LAG3: variants seen among roughly 807,000 people sequenced by gnomAD.
LAG3 encodes the protein lymphocyte activation gene 3 protein.
Under a neutral mutation model 49.0 loss-of-function variants are expected in LAG3, and 29 were observed. The ratio of observed to expected loss-of-function variants is 0.59; its 90% CI spans 0.44 to 0.81. LAG3 has a LOEUF of 0.81. Among genes scored for constraint, LAG3 ranks in the 30% least tolerant of loss-of-function variants. The pLI is 0.00. For missense variants in LAG3, 693 were observed against 695.2 expected, an observed-to-expected ratio of 1.00 and a Z score of 0.04; for synonymous variants, 320 against 297.3, an observed-to-expected ratio of 1.08 and a Z score of -0.79.
chr12:6,773,850 C>T lies in LAG3; in HGVS notation c.360C>T (p.Val120=). The T allele has an allele frequency of 7.1e-7, 1 of 1,410,672 alleles. No homozygotes were observed. Among genetic ancestry groups the T allele is most frequent in the Non-Finnish European group, 9.2e-7 (1 of 1,088,006 alleles). 87.4% of individuals were successfully genotyped at this position (1,410,672 alleles called of 1,614,324 possible). ...RSGRLPLQPR[V]QLDERGRQRG... The stretch of plus-strand genomic sequence containing the variant: ...GGAGGCTGCCCCTGCAGCCCCGCGT[C>T]CAGCTGGATGAGCGCGGCCGGCAGC... Residue 120 remains valine, a synonymous_variant, in exon 3 of 8, where the codon GTC becomes GTT. Coordinates refer to ENST00000203629, the MANE Select transcript of LAG3 (RefSeq NM_002286.6). This position sits in a 1 kb window ranked among gnomAD's most constrained non-coding sequence, Gnocchi z 5.5.
At chr12:6,777,962 C>G (rs369346024) in intron 7 of LAG3, 41 bp downstream of exon 7, 18 of 1,610,008 alleles carry the variant, frequency 1.1e-5, no homozygotes, top group South Asian at 2.2e-5. Flanking sequence ...CAGCAGCTCC[C>G]GCTCTTCCAT....
In LAG3 at chr12:6,773,724, T is replaced by C; in HGVS notation, c.234T>C (p.His78=). Residue 78 remains histidine, a synonymous_variant, in exon 3 of 8, where the codon CAT becomes CAC. Coordinates refer to ENST00000203629, the MANE Select transcript of LAG3 (RefSeq NM_002286.6). The surrounding 1 kb of genome is among the most constrained non-coding windows in gnomAD (Gnocchi z 5.5). The part of the protein sequence containing the change: ...DSGPPAAAPG[H]PLAPGPHPAA... ...GCCCGCCCGCTGCCGCCCCCGGCCA[T>C]CCCCTGGCCCCCGGCCCTCACCCGG... The C allele has an allele frequency of 1.3e-5, 17 of 1,342,662 alleles. No individual in the cohort carries two copies. The highest frequency in any genetic ancestry group is 1.6e-5 in the Non-Finnish European group (17 of 1,053,272). The allele number at this position is 1,342,662 out of a possible 1,614,324, so 83.2% of individuals were successfully genotyped here. A position where few individuals can be genotyped will look rare whatever the true frequency, so the allele number is the denominator to read the frequency against.
intron 7 of LAG3, 52 bp from the exon 8 acceptor site, chr12:6,778,192 T>C: frequency 6.6e-7 from 1 of 1,517,022 alleles, no homozygotes; most frequent in African/African-American, 1.4e-5. Context: ...CCGCTTCCCT[T>C]CATCCTTCTC....
rs1379231906 is a variant in LAG3, at chr12:6,774,675, G to A, written c.592G>A (p.Ala198Thr). 2 of 1,614,170 alleles carry A rather than the reference G, an allele frequency of 1.2e-6. No homozygotes were observed. The highest frequency in any genetic ancestry group is 1.7e-5 in the Admixed American group (1 of 60,024). ...NCSFSRPDRP[A>T]SVHWFRNRGQ... The stretch of plus-strand genomic sequence containing the variant: ...CTCCTTCAGCCGCCCTGACCGCCCA[G>A]CCTCTGTGCATTGGTTCCGGAACCG... Residue 198 changes from alanine (A) to threonine (T), a missense_variant, in exon 4 of 8, where the codon GCC (alanine) becomes ACC (threonine). Transcript: ENST00000203629.
intron 3 of LAG3, among the ~76,000 whole-genome samples, 187 bp downstream of exon 3, chr12:6,774,188 G>C (rs568913115): frequency 1.3e-5 from 2 of 152,348 alleles, no homozygotes; most frequent in South Asian, 4.1e-4. Context: ...TGTATGGGGG[G>C]CCCTGTGGAG....
intron 5 of LAG3, 37 bp downstream of exon 5, chr12:6,775,585 A>G (rs1941898854): frequency 6.2e-7 from 1 of 1,604,246 alleles, no homozygotes; most frequent in Non-Finnish European, 8.5e-7. Flanking sequence ...CTGCCCTCCC[A>G]GGGTAGAAAG....
intron 5 of LAG3, among the ~76,000 whole-genome samples, chr12:6,776,886 G>T (rs1941911145): frequency 6.6e-6 from 1 of 152,242 alleles, no homozygotes; most frequent in African/African-American, 2.4e-5. Flanking sequence ...TGTGAAGGCA[G>T]TAGGGAGCCT....
In LAG3 at chr12:6,773,134, T is replaced by C; in HGVS notation, c.59-58T>C. Reference sequence around the variant, plus strand: ...CCTCGGGAAACACCCAGGCTCCTTCTCTACCCCTGCCTCTCGGCTCACGCC... The same window carrying C: ...CCTCGGGAAACACCCAGGCTCCTTCCCTACCCCTGCCTCTCGGCTCACGCC... On this transcript the variant is annotated intron_variant, in intron 1 of 7. Transcript: ENST00000203629. The surrounding 1 kb of genome is among the most constrained non-coding windows in gnomAD (Gnocchi z 5.5). 1 of 1,556,804 alleles carries C rather than the reference T, an allele frequency of 6.4e-7. No individual in the cohort carries two copies. Among genetic ancestry groups the C allele is most frequent in the Non-Finnish European group, 8.7e-7 (1 of 1,152,930 alleles).
At chr12:6,774,428 A>C (rs1232904493) in intron 3 of LAG3, among the ~76,000 whole-genome samples, 167 bp from the exon 4 acceptor site, 1 of 152,166 alleles carries the variant, frequency 6.6e-6, no homozygotes, top group Non-Finnish European at 1.5e-5. Flanking sequence ...GATCCACTTT[A>C]TGCACCTCCA....
rs1941921671 is a variant in LAG3, at chr12:6,777,573, G to T, written c.1300+67G>T. 2.0e-5 allele frequency: 31 copies of T among 1,560,944 alleles called. No individual in the cohort carries two copies. The South Asian group carries it at 3.6e-4, about 18-fold the overall frequency. On this transcript the variant is annotated intron_variant, in intron 6 of 7. Coordinates refer to ENST00000203629, the MANE Select transcript of LAG3 (RefSeq NM_002286.6). ...TAATCTTTATCCTCCTTCCAGAACAGCCCCTGCCACCCCCATCCCAGCGCT... is the reference window on the plus strand; with the variant it reads ...TAATCTTTATCCTCCTTCCAGAACATCCCCTGCCACCCCCATCCCAGCGCT...
At chr12:6,777,221 G>T (rs751895706) in intron 5 of LAG3, 43 bp from the exon 6 acceptor site, 8 of 1,612,056 alleles carry the variant, frequency 5.0e-6, no homozygotes, top group African/African-American at 1.3e-5. Flanking sequence ...ATCACGTAAG[G>T]GGGGCAGAAT....
In LAG3 at chr12:6,774,810, C is replaced by G; in HGVS notation, c.727C>G (p.Leu243Val). Reference sequence around the variant, plus strand: ...GGACTCTGGGCCCTGGGGCTGCATCCTCACCTACAGAGATGGCTTCAACGT... The same window carrying G: ...GGACTCTGGGCCCTGGGGCTGCATCGTCACCTACAGAGATGGCTTCAACGT... ...PMDSGPWGCILTYRDGFNVSI... is the reference protein window; with the variant it reads ...PMDSGPWGCIVTYRDGFNVSI... The change falls in exon 4 of 8, where the codon CTC becomes GTC. Residue 243 changes from leucine (L) to valine (V), a missense_variant. Coordinates refer to ENST00000203629, the MANE Select transcript of LAG3 (RefSeq NM_002286.6). 2.5e-6 allele frequency: 4 copies of G among 1,614,162 alleles called. No individual in the cohort carries two copies. Among genetic ancestry groups the G allele is most frequent in the Non-Finnish European group, 3.4e-6 (4 of 1,180,016 alleles).
intron 4 of LAG3, among the ~76,000 whole-genome samples, 195 bp from the exon 5 acceptor site, chr12:6,775,077 CG>C (rs1941891292): frequency 6.6e-6 from 1 of 152,146 alleles, no homozygotes; most frequent in African/African-American, 2.4e-5. Context: ...GCGTCATTGC[CG>C]GCCTTCCCTC....
intron 4 of LAG3, 141 bp downstream of exon 4, chr12:6,775,005 T>C: frequency 1.1e-6 from 1 of 917,496 alleles, no homozygotes; most frequent in Non-Finnish European, 1.7e-6. Flanking sequence ...GTTCGACCCC[T>C]TTATATTGCT....
rs189163737 is a variant in LAG3, at chr12:6,776,770, G to T, written c.1058-494G>T. Among the ~76,000 whole-genome samples, 186 of 152,344 alleles carry T rather than the reference G, an allele frequency of 1.2e-3. 4 individuals carry two copies. In the East Asian group the frequency reaches 0.03, roughly 25 times the overall value. On this transcript the variant is annotated intron_variant, in intron 5 of 7. Coordinates refer to ENST00000203629, the MANE Select transcript of LAG3 (RefSeq NM_002286.6). ...TTCCAAAATTGTGAAGTAGATGGGGGTCAGCTCATCTGACTGATTTTGAGG... is the reference window on the plus strand; with the variant it reads ...TTCCAAAATTGTGAAGTAGATGGGGTTCAGCTCATCTGACTGATTTTGAGG...
rs201564042 is a variant in LAG3 at position 6,777,778 on chromosome 12, A to G, written c.1301-13A>G. 3.1e-6 allele frequency: 5 copies of G among 1,613,730 alleles called. No individual in the cohort carries two copies. In the East Asian group the frequency reaches 6.7e-5, roughly 22 times the overall value. On this transcript the variant is annotated splice_polypyrimidine_tract_variant and intron_variant, in intron 6 of 7. Transcript: ENST00000203629. The stretch of plus-strand genomic sequence containing the variant: ...GTCCTGACCCTATGCCTCATCCTGT[A>G]CTTTCTCCATAGGTGCCCAACGCTC...
At chr12:6,774,238 C>T (rs1451902272) in intron 3 of LAG3, among the ~76,000 whole-genome samples, 2 of 152,090 alleles carry the variant, frequency 1.3e-5, no homozygotes, top group Non-Finnish European at 2.9e-5. Flanking sequence ...CCCACCCACG[C>T]GGGAGTGCCC....
rs1379216087 is a variant in LAG3 at position 6,777,584 on chromosome 12, C to T, written c.1300+78C>T. On this transcript the variant is annotated intron_variant, in intron 6 of 7. Transcript: ENST00000203629. ...CTCCTTCCAGAACAGCCCCTGCCAC[C>T]CCCATCCCAGCGCTTTTCTTTCCAG... 117 of 1,540,164 alleles carry T rather than the reference C, an allele frequency of 7.6e-5. 4 individuals are homozygous for T. The South Asian group carries it at 1.1e-3, about 14-fold the overall frequency.
In LAG3 at chr12:6,775,369, T is replaced by C. The variant is rs752471604; in HGVS notation, c.878T>C (p.Phe293Ser). 3.7e-6 allele frequency: 6 copies of C among 1,614,184 alleles called. No individual in the cohort carries two copies. The highest frequency in any genetic ancestry group is 5.1e-6 in the Non-Finnish European group (6 of 1,180,022). ...RLPAGVGTRS[F>S]LTAKWTPPGG... ...CCTGCTGGTGTGGGGACCCGGTCTT[T>C]CCTCACTGCCAAGTGGACTCCTCCT... Residue 293 changes from phenylalanine to serine, a missense_variant, in exon 5 of 8, where the codon TTC becomes TCC. Transcript: ENST00000203629.
Sources: allele counts gnomAD v4.1 joint callset (sites outside exome capture counted in the v4.1 genomes callset), GRCh38; gene constraint gnomAD v4.1.1; non-coding constraint Gnocchi (gnomAD v3.1); transcripts MANE v1.5; gene names NCBI Gene and HGNC (gene_info 2026-07-23, HGNC 2026-07-21).